APEX2: variants seen among roughly 807,000 people sequenced by gnomAD.
The protein encoded by APEX2 is DNA-(apurinic or apyrimidinic site) endonuclease 2.
APEX2 carries 4 observed loss-of-function variants against 16.7 expected under a neutral mutation model. The observed-to-expected ratio is 0.24, with a 90% CI of 0.12 to 0.55. APEX2 has a LOEUF of 0.55. Ranked by LOEUF, APEX2 falls within the 20% of genes least tolerant of loss-of-function variation. The pLI is 0.94. For synonymous variants in APEX2, 181 were observed against 166.9 expected (o/e 1.08, Z -0.65); for missense variants, 357 against 433.6 (o/e 0.82, Z 1.57).
At chrX:55,002,884 G>A (rs1935462176) in intron 3 of APEX2, 78 bp from the exon 4 acceptor site, 3 of 1,082,250 alleles carry the variant, frequency 2.8e-6, no homozygotes, top group Admixed American at 5.9e-5. Flanking sequence ...GTCACAAAAT[G>A]GAAGCCATGT....
At chrX:55,002,463 C>T (rs777524207) in intron 3 of APEX2, 32 bp downstream of exon 3, 3 of 1,136,253 alleles carry the variant, frequency 2.6e-6, no homozygotes, top group Non-Finnish European at 3.5e-6. Flanking sequence ...CTACTGAGCA[C>T]TGCTGGTGCT....
Position 55,007,468 on chromosome X carries a change from C to A in APEX2, c.*33C>A, listed in dbSNP as rs747457409. 1 of 1,105,982 alleles carries A rather than the reference C, an allele frequency of 9.0e-7. No individual in the cohort carries two copies. The highest frequency in any genetic ancestry group is 3.2e-5 in the East Asian group (1 of 31,309). 91.1% of individuals were successfully genotyped at this position (1,105,982 alleles called of 1,213,427 possible). The stretch of plus-strand genomic sequence containing the variant: ...GAGGCCTGGGGACATCTGGCATGGT[C>A]ACCCCTGCACATGATCTGAGGCCAG... On this transcript the variant is annotated 3_prime_UTR_variant, in exon 6 of 6. Transcript: ENST00000374987.
At chrX:55,003,937 GT>G in intron 5 of APEX2, 69 bp downstream of exon 5, 3 of 1,058,593 alleles carry the variant, frequency 2.8e-6, no homozygotes, top group Non-Finnish European at 3.9e-6. Flanking sequence ...CCAACCCTGA[GT>G]TTTTGGCCCA....
chrX:55,001,635 T>C lies in APEX2; in HGVS notation c.241+6T>C, dbSNP rs1446517469. Reference sequence around the variant, plus strand: ...CAACCGTAGCGGCTATTCTGGTAAATGGGGCTTTCTGTGGACTTTAAATTA... The same window carrying C: ...CAACCGTAGCGGCTATTCTGGTAAACGGGGCTTTCTGTGGACTTTAAATTA... On this transcript the variant is annotated splice_donor_region_variant and intron_variant, in intron 2 of 5. Coordinates refer to ENST00000374987, the MANE Select transcript of APEX2 (RefSeq NM_014481.4). The C allele has an allele frequency of 5.9e-6, 7 of 1,192,586 alleles. No individual in the cohort carries two copies. Among genetic ancestry groups the C allele is most frequent in the Non-Finnish European group, 7.9e-6 (7 of 884,155 alleles).
At chrX:55,001,182 T>G (rs1431418131) in intron 1 of APEX2, among the ~76,000 whole-genome samples, 1 of 108,302 alleles carries the variant, frequency 9.2e-6, no homozygotes, top group Non-Finnish European at 1.9e-5. Context: ...CCCTCTCTCT[T>G]ACCTCTCACC....
chrX:55,002,946 T>C lies in APEX2; in HGVS notation c.423-16T>C. 5.0e-6 allele frequency: 6 copies of C among 1,201,280 alleles called. No homozygotes were observed. Among genetic ancestry groups the C allele is most frequent in the Non-Finnish European group, 6.7e-6 (6 of 889,846 alleles). On this transcript the variant is annotated splice_polypyrimidine_tract_variant and intron_variant, in intron 3 of 5. Transcript: ENST00000374987. ...GTTTGAAACTGACCCCTTTTGGGGG[T>C]TTCTCTTTTCTCCAGCACATGGGAA...
rs1241733240 is a variant in APEX2, at chrX:55,007,313, C to T, written c.1435C>T (p.Arg479Cys). 2.5e-6 allele frequency: 3 copies of T among 1,210,793 alleles called. No individual in the cohort carries two copies. Among genetic ancestry groups the T allele is most frequent in the South Asian group, 1.8e-5 (1 of 56,892 alleles). ...GGGCCACAGGGAGCCATGTGTGATG[C>T]GTACTGTGAAGAAGCCAGGACCCAA... Reference protein sequence around the residue: ...CGGHREPCVMRTVKKPGPNLG... With the variant: ...CGGHREPCVMCTVKKPGPNLG... The change falls in exon 6 of 6, where the codon CGT becomes TGT. Residue 479 changes from arginine to cysteine, a missense_variant. By Grantham distance (180) the Arg-to-Cys change is radical. Transcript: ENST00000374987.
chrX:55,003,602 G>A (rs1049712850), intron 4 of APEX2, among the ~76,000 whole-genome samples, 197 bp from the exon 5 acceptor site: 3 of 111,641 alleles, frequency 2.7e-5, no homozygotes, highest in Non-Finnish European at 5.6e-5. Context: ...GTCACCTTTG[G>A]AGATCAGAAT....
intron 3 of APEX2, among the ~76,000 whole-genome samples, chrX:55,002,658 AG>A (rs1935460177): frequency 8.9e-6 from 1 of 111,916 alleles, no homozygotes; most frequent in Non-Finnish European, 1.9e-5. Flanking sequence ...CTAGTGATCC[AG>A]CTCTTATTAC....
rs781330820 is a variant in APEX2 at position 55,006,919 on chromosome X, A to G, written c.1041A>G (p.Glu347=). 4 of 1,211,853 alleles carry G rather than the reference A, an allele frequency of 3.3e-6. No homozygotes were observed. The highest frequency in any genetic ancestry group is 2.2e-6 in the Non-Finnish European group (2 of 895,528). Residue 347 remains glutamate (E), a synonymous_variant, in exon 6 of 6, where the codon GAA becomes GAG. Coordinates refer to ENST00000374987, the MANE Select transcript of APEX2 (RefSeq NM_014481.4). The part of the protein sequence containing the change: ...LKILRFLVPL[E]QSPVLEQSTL... ...TCCTTCGCTTCCTAGTTCCTCTCGA[A>G]CAAAGTCCTGTGTTGGAGCAGTCGA...
chrX:55,001,550 T>A lies in APEX2; in HGVS notation c.162T>A (p.Asp54Glu), dbSNP rs778002388. 1 of 1,201,883 alleles carries A rather than the reference T, an allele frequency of 8.3e-7. No homozygotes were observed. Among genetic ancestry groups the A allele is most frequent in the African/African-American group, 1.7e-5 (1 of 57,432 alleles). ...VCLQETKVTR[D>E]ALTEPLAIVE... ...TCTTACATTTTTTTTTTCCAGGGGA[T>A]GCACTGACAGAGCCCCTGGCTATCG... is the stretch of plus-strand genomic sequence containing the variant. The change falls in exon 2 of 6, where the codon GAT (aspartate) becomes GAA (glutamate). Residue 54 changes from aspartate to glutamate, a missense_variant. Transcript: ENST00000374987.
At position 55,001,389 on chromosome X, in the gene APEX2, T is replaced by G. The variant is rs145188976; in HGVS notation, c.158-157T>G. ...TTTCCTCTCTGACATTTCCCATCTT[T>G]CTAGGTCCTCCTCTAATCATGGATA... On this transcript the variant is annotated intron_variant, in intron 1 of 5. Transcript: ENST00000374987. Among the ~76,000 whole-genome samples the G allele has an allele frequency of 3.4e-3, 381 of 112,032 alleles. 2 individuals are homozygous for G. Among genetic ancestry groups the G allele is most frequent in the African/African-American group, 0.011 (346 of 30,800 alleles).
chrX:55,001,687 G>A, intron 2 of APEX2, 58 bp downstream of exon 2: 2 of 971,690 alleles, frequency 2.1e-6, no homozygotes, highest in Non-Finnish European at 2.8e-6. Context: ...GGGGAAAAGG[G>A]TTTCCAATAT....
intron 5 of APEX2, among the ~76,000 whole-genome samples, chrX:55,005,968 G>A (rs1935492946): frequency 9.1e-6 from 1 of 109,403 alleles, no homozygotes; most frequent in South Asian, 4.0e-4. Context: ...GAGTGGGTGG[G>A]TAGGTGGATT....
In APEX2 at chrX:55,003,025, T is replaced by G. The variant is rs752546834; in HGVS notation, c.486T>G (p.Pro162=). The part of the protein sequence containing the change: ...LINVYCPHAD[P]GRPERLVFKM... ...ACGTGTACTGCCCCCATGCGGACCC[T>G]GGGAGGCCTGAGCGGCTAGTCTTTA... Residue 162 remains proline, a synonymous_variant, in exon 4 of 6, where the codon CCT becomes CCG. Coordinates refer to ENST00000374987, the MANE Select transcript of APEX2 (RefSeq NM_014481.4). 5 of 1,211,573 alleles carry G rather than the reference T, an allele frequency of 4.1e-6. No individual in the cohort carries two copies. In the South Asian group the frequency reaches 8.8e-5, roughly 21 times the overall value.
In APEX2 at chrX:55,003,785, A is replaced by G; in HGVS notation, c.570-14A>G. The G allele has an allele frequency of 8.3e-7, 1 of 1,208,156 alleles. No individual in the cohort carries two copies. The stretch of plus-strand genomic sequence containing the variant: ...CTGCACCCCTTTCTAACAATCCCAC[A>G]TTGTGTTTTTCAGCCATGTGATCAT... On this transcript the variant is annotated splice_polypyrimidine_tract_variant and intron_variant, in intron 4 of 5. Coordinates refer to ENST00000374987, the MANE Select transcript of APEX2 (RefSeq NM_014481.4).
At chrX:55,006,027 G>A (rs28382693) in intron 5 of APEX2, among the ~76,000 whole-genome samples, 1,583 of 107,809 alleles carry the variant, frequency 0.015, 39 homozygotes, top group African/African-American at 0.052. Context: ...GCCTAAGGAA[G>A]TATTCAGACC....
chrX:55,003,505 G>A (rs1935470610), intron 4 of APEX2, among the ~76,000 whole-genome samples: 1 of 112,230 alleles, frequency 8.9e-6, no homozygotes, highest in African/African-American at 3.2e-5. Context: ...ATCAAGGGGA[G>A]GTGGTATCTG....
chrX:55,007,523 T>C lies in APEX2; in HGVS notation c.*88T>C. 1 of 963,179 alleles carries C rather than the reference T, an allele frequency of 1.0e-6. No individual in the cohort carries two copies. Among genetic ancestry groups the C allele is most frequent in the Non-Finnish European group, 1.4e-6 (1 of 722,605 alleles). 79.4% of individuals were successfully genotyped at this position (963,179 alleles called of 1,213,427 possible). On this transcript the variant is annotated 3_prime_UTR_variant, in exon 6 of 6. Coordinates refer to ENST00000374987, the MANE Select transcript of APEX2 (RefSeq NM_014481.4). Reference sequence around the variant, plus strand: ...CCTTCCCTGAGCTGCCTCCTGCTTCTCCCTCAAAGTCTCCTACCCTTCTCT... The same window carrying C: ...CCTTCCCTGAGCTGCCTCCTGCTTCCCCCTCAAAGTCTCCTACCCTTCTCT...
Sources: gnomAD v4.1 joint callset for allele counts (sites outside exome capture counted in the v4.1 genomes callset) on GRCh38, gnomAD v4.1.1 for gene constraint, MANE v1.5 for transcripts, NCBI Gene and HGNC (gene_info 2026-07-23, HGNC 2026-07-21) for gene names.